Variants in PPFIA2 observed in about 807,000 individuals in gnomAD.
PPFIA2 encodes the protein liprin-alpha-2.
In PPFIA2, 46 loss-of-function variants were observed where a neutral mutation model predicts 175.5. That is an observed-to-expected ratio of 0.26 (90% CI 0.21 to 0.34). The LOEUF (loss-of-function observed/expected upper bound fraction) is 0.34, where lower values mean the gene tolerates loss of function less well. PPFIA2 is among the 10% of genes least tolerant of loss of function. The pLI is 1.00. For synonymous variants in PPFIA2, 568 were observed against 511.4 expected, an observed-to-expected ratio of 1.11 and a Z score of -1.49; for missense variants, 1,179 against 1,506.1, an observed-to-expected ratio of 0.78 and a Z score of 3.60.
At chr12:81,340,964 G>T in intron 20 of PPFIA2, 114 bp downstream of exon 20, 1 of 1,142,218 alleles carries the variant, frequency 8.8e-7, no homozygotes, top group Non-Finnish European at 1.2e-6. Context: ...GGAAGCTGGA[G>T]AATTCTGGCT....
rs1347630785 is a variant in PPFIA2 at position 81,570,011 on chromosome 12, A to G, written c.303+106780T>C. ...GCTCTTTCTCCCTGTTTCCAAATCT[A>G]GACACAGGCTAGCCAGTTATCCTGA... On this transcript the variant is annotated intron_variant, in intron 4 of 32. Transcript: ENST00000549396. 6.6e-5 allele frequency among the ~76,000 whole-genome samples: 10 copies of G among 152,292 alleles called. No homozygotes were observed. In the East Asian group the frequency reaches 1.9e-3, roughly 29 times the overall value.
chr12:81,467,317 A>G (rs2055854788), intron 4 of PPFIA2, among the ~76,000 whole-genome samples: 1 of 152,188 alleles, frequency 6.6e-6, no homozygotes, highest in African/African-American at 2.4e-5. Flanking sequence ...GTGACATTCT[A>G]TAATGTTAAT....
chr12:81,584,119 C>T lies in PPFIA2; in HGVS notation c.303+92672G>A, dbSNP rs576272798. 7.9e-5 allele frequency among the ~76,000 whole-genome samples: 12 copies of T among 151,946 alleles called. No homozygotes were observed. In the South Asian group the frequency reaches 2.5e-3, roughly 32 times the overall value. On this transcript the variant is annotated intron_variant, in intron 4 of 32. Transcript: ENST00000549396. ...ACAAAAACTGCTCCCTGAAAATATA[C>T]TTCACATCTAAAGCAAGTTCTTGAT...
intron 4 of PPFIA2, among the ~76,000 whole-genome samples, chr12:81,481,837 A>G (rs1206892964): frequency 5.3e-5 from 8 of 152,204 alleles, no homozygotes; most frequent in Admixed American, 4.6e-4. Flanking sequence ...ATGGGCAAAG[A>G]CTTCATGACT....
intron 4 of PPFIA2, among the ~76,000 whole-genome samples, chr12:81,458,766 C>A (rs551888650): frequency 2.0e-5 from 3 of 152,154 alleles, no homozygotes; most frequent in African/African-American, 7.2e-5. Flanking sequence ...GCTATTCTAC[C>A]TTATAAACAA....
intron 4 of PPFIA2, among the ~76,000 whole-genome samples, chr12:81,527,787 G>A (rs1225754771): frequency 2.6e-5 from 4 of 152,008 alleles, no homozygotes; most frequent in African/African-American, 4.8e-5. Flanking sequence ...TGTCATGAGG[G>A]TTTAGTGACC....
At chr12:81,445,130 T>A (rs2050976166) in intron 6 of PPFIA2, among the ~76,000 whole-genome samples, 1 of 143,292 alleles carries the variant, frequency 7.0e-6, no homozygotes, top group Non-Finnish European at 1.5e-5. Flanking sequence ...TTAAAGTACA[T>A]CAATTTGCAT....
chr12:81,670,579 C>A (rs1353641973), intron 4 of PPFIA2, among the ~76,000 whole-genome samples: 2 of 151,932 alleles, frequency 1.3e-5, no homozygotes, highest in African/African-American at 4.8e-5. Context: ...CCTCTATTGG[C>A]TATTGCTTCC....
rs533508313 is a variant in PPFIA2, at chr12:81,312,110, A to T, written c.2643-12728T>A. On this transcript the variant is annotated intron_variant, in intron 22 of 32. Coordinates refer to ENST00000549396, the MANE Select transcript of PPFIA2 (RefSeq NM_003625.5). ...TAATACTCTGAAAAAAGAAAAAAAA[A>T]GATGGCGCTGAAAATAAACATGTTC... 8 of 1,520,422 alleles carry T rather than the reference A, an allele frequency of 5.3e-6. No homozygotes were observed. The South Asian group carries it at 7.2e-5, about 14-fold the overall frequency. 94.2% of individuals were successfully genotyped at this position (1,520,422 alleles called of 1,614,324 possible).
chr12:81,501,688 T>A (rs1038188022), intron 4 of PPFIA2, among the ~76,000 whole-genome samples: 1 of 152,206 alleles, frequency 6.6e-6, no homozygotes, highest in Non-Finnish European at 1.5e-5. Context: ...ACAGCTAATT[T>A]TATGTGGTCA....
At chr12:81,363,320 G>T (rs2031744631) in intron 14 of PPFIA2, among the ~76,000 whole-genome samples, 1 of 150,988 alleles carries the variant, frequency 6.6e-6, no homozygotes, top group Non-Finnish European at 1.5e-5. Flanking sequence ...TAAAGACAGG[G>T]CCTCACTCTG....
intron 17 of PPFIA2, 99 bp from the exon 18 acceptor site, chr12:81,347,869 A>C: frequency 2.1e-6 from 3 of 1,462,418 alleles, no homozygotes; most frequent in South Asian, 2.8e-5. Context: ...AAATCAGTAG[A>C]AACTATTCTT....
At chr12:81,372,285 A>C (rs2141592283) in intron 11 of PPFIA2, among the ~76,000 whole-genome samples, 1 of 151,696 alleles carries the variant, frequency 6.6e-6, no homozygotes, top group East Asian at 1.9e-4. Flanking sequence ...TTAAAGAGAA[A>C]GACCTAGAAA....
intron 22 of PPFIA2, among the ~76,000 whole-genome samples, chr12:81,310,731 C>T (rs2050562220): frequency 2.0e-5 from 3 of 152,118 alleles, no homozygotes; most frequent in African/African-American, 7.2e-5. Context: ...CAAAACCTGC[C>T]TTGCATTTTT....
chr12:81,440,743 ATTTC>A (rs997991652), intron 6 of PPFIA2, among the ~76,000 whole-genome samples: 3 of 151,288 alleles, frequency 2.0e-5, no homozygotes, highest in Admixed American at 6.6e-5. Flanking sequence ...TCGAAGAAGT[ATTTC>A]TTTGATTCTT....
chr12:81,756,735 G>C (rs921047144), intron 2 of PPFIA2, among the ~76,000 whole-genome samples: 3 of 151,958 alleles, frequency 2.0e-5, no homozygotes, highest in Non-Finnish European at 2.9e-5. Context: ...AACATATAAA[G>C]GGCAATTACA....
intron 4 of PPFIA2, among the ~76,000 whole-genome samples, chr12:81,554,414 C>T (rs1366763120): frequency 6.6e-6 from 1 of 152,006 alleles, no homozygotes; most frequent in Non-Finnish European, 1.5e-5. Flanking sequence ...CGAAATGTCA[C>T]TTTCCACTTT....
chr12:81,283,805 G>GT (rs1415564734), intron 25 of PPFIA2, among the ~76,000 whole-genome samples: 3 of 151,788 alleles, frequency 2.0e-5, no homozygotes, highest in South Asian at 2.1e-4. Flanking sequence ...TTTTTTGGGG[G>GT]TTTTTTTGGT....
At chr12:81,317,824 T>C (rs950212577) in intron 22 of PPFIA2, among the ~76,000 whole-genome samples, 2 of 151,722 alleles carry the variant, frequency 1.3e-5, no homozygotes, top group Non-Finnish European at 3.0e-5. Flanking sequence ...TTCTGAATTT[T>C]ACAGAGGATC....
Sources: allele counts gnomAD v4.1 joint callset (sites outside exome capture counted in the v4.1 genomes callset), GRCh38; gene constraint gnomAD v4.1.1; transcripts MANE v1.5; gene names NCBI Gene and HGNC (gene_info 2026-07-23, HGNC 2026-07-21).